The following SAE1 variants were observed in gnomAD, a reference collection of about 807,000 sequenced individuals.
SAE1 encodes the protein SUMO-activating enzyme subunit 1.
In SAE1, 11 loss-of-function variants were observed where a neutral mutation model predicts 40.6. The observed-to-expected ratio is 0.27, with a 90% CI of 0.17 to 0.45. SAE1 has a LOEUF of 0.45. SAE1 is among the 20% of genes least tolerant of loss of function. SAE1 has a pLI of 1.00. For missense variants in SAE1, 373 were observed against 427.3 expected (o/e 0.87, Z 1.12); for synonymous variants, 155 against 154.3 (o/e 1.00, Z -0.03).
At chr19:47,191,596 A>C (rs1027482557) in intron 6 of SAE1, among the ~76,000 whole-genome samples, 2 of 152,156 alleles carry the variant, frequency 1.3e-5, no homozygotes, top group Non-Finnish European at 2.9e-5. Context: ...TCCAGGTGCA[A>C]GGTGATGGAC....
rs540468293 is a variant in SAE1, at chr19:47,172,846, C to T, written c.733+2923C>T. On this transcript the variant is annotated intron_variant, in intron 6 of 8. Coordinates refer to ENST00000270225, the MANE Select transcript of SAE1 (RefSeq NM_005500.3). ...TCTCTAGGACTTGCTCTGTGCCGGG[C>T]GTTTTCCATGTATATCACCTTCATC... Among the ~76,000 whole-genome samples the T allele has an allele frequency of 3.9e-5, 6 of 152,078 alleles. No individual in the cohort carries two copies. The South Asian group carries it at 6.2e-4, about 16-fold the overall frequency.
chr19:47,194,739 T>C (rs2058602068), intron 6 of SAE1, among the ~76,000 whole-genome samples: 3 of 150,506 alleles, frequency 2.0e-5, no homozygotes, highest in African/African-American at 7.4e-5. Context: ...GTTGGTATGT[T>C]AATCAGTCTT....
chr19:47,165,282 G>T (rs1261035589), intron 5 of SAE1, among the ~76,000 whole-genome samples: 1 of 151,366 alleles, frequency 6.6e-6, no homozygotes, highest in Non-Finnish European at 1.5e-5. Context: ...TGGAGACGGG[G>T]TTTCACCATG....
intron 6 of SAE1, among the ~76,000 whole-genome samples, chr19:47,177,560 A>C (rs2123269742): frequency 6.6e-6 from 1 of 152,160 alleles, no homozygotes; most frequent in African/African-American, 2.4e-5. Flanking sequence ...TGGGGCAGGG[A>C]GGTCTTGCTA....
intron 6 of SAE1, among the ~76,000 whole-genome samples, chr19:47,174,377 T>A (rs1443498665): frequency 6.6e-6 from 1 of 150,670 alleles, no homozygotes; most frequent in Non-Finnish European, 1.5e-5. Context: ...AGGTCAGTAA[T>A]AATCATACAA....
At chr19:47,134,063 G>A (rs147049824) in intron 1 of SAE1, among the ~76,000 whole-genome samples, 221 of 151,822 alleles carry the variant, frequency 1.5e-3, no homozygotes, top group African/African-American at 5.1e-3. Flanking sequence ...GAGTTTCACC[G>A]TGTTGGTCAG....
At chr19:47,184,818 G>T in intron 6 of SAE1, among the ~76,000 whole-genome samples, 1 of 150,006 alleles carries the variant, frequency 6.7e-6, no homozygotes, top group East Asian at 2.0e-4. Context: ...GTTTTGTTTT[G>T]TTTTGTTTTG....
intron 7 of SAE1, among the ~76,000 whole-genome samples, chr19:47,202,740 C>T (rs1037293467): frequency 6.6e-6 from 1 of 151,840 alleles, no homozygotes; most frequent in Non-Finnish European, 1.5e-5. Context: ...GGTGAAACCC[C>T]GTCTCTACTA....
intron 2 of SAE1, among the ~76,000 whole-genome samples, chr19:47,145,905 A>G (rs1355079050): frequency 6.6e-6 from 1 of 151,568 alleles, no homozygotes; most frequent in African/African-American, 2.4e-5. Context: ...GGTGATAGAA[A>G]GATGCTCACG....
intron 6 of SAE1, among the ~76,000 whole-genome samples, chr19:47,195,014 ATTACAGACG>A (rs1227141404): frequency 6.8e-6 from 1 of 146,584 alleles, no homozygotes; most frequent in East Asian, 2.0e-4. Flanking sequence ...AAGTGCTGGG[ATTACAGACG>A]TTACAGACGT....
chr19:47,197,141 A>G, intron 6 of SAE1, 92 bp from the exon 7 acceptor site: 1 of 1,328,690 alleles, frequency 7.5e-7, no homozygotes, highest in Non-Finnish European at 1.0e-6. Context: ...AGATTGTGCC[A>G]TTGCACTCCA....
intron 7 of SAE1, among the ~76,000 whole-genome samples, chr19:47,198,273 C>G (rs371815095): frequency 6.6e-6 from 1 of 152,102 alleles, no homozygotes; most frequent in African/African-American, 2.4e-5. Context: ...CCACGCCCAG[C>G]TAATTTTTTT....
At chr19:47,139,137 A>G (rs571025390) in intron 1 of SAE1, among the ~76,000 whole-genome samples, 81 of 151,974 alleles carry the variant, frequency 5.3e-4, no homozygotes, top group African/African-American at 1.8e-3. Context: ...TTTTGAGTAG[A>G]GATGGAGTTT....
At chr19:47,208,173 T>C (rs939979057) in intron 8 of SAE1, among the ~76,000 whole-genome samples, 6 of 152,226 alleles carry the variant, frequency 3.9e-5, no homozygotes, top group Non-Finnish European at 8.8e-5. Context: ...CTCAGTTGAA[T>C]AGTCATGAAT....
At chr19:47,184,279 C>T (rs1336144557) in intron 6 of SAE1, among the ~76,000 whole-genome samples, 2 of 152,164 alleles carry the variant, frequency 1.3e-5, no homozygotes, top group African/African-American at 2.4e-5. Flanking sequence ...GACACTATAA[C>T]GTAGAGGTTA....
chr19:47,143,599 C>A lies in SAE1; in HGVS notation c.204C>A (p.His68Gln), dbSNP rs754278107. ...TGAAAGGACTGACCATGCTGGATCA[C>A]GAACAGGTGCGCTGTTGTGAGCTCA... is the stretch of plus-strand genomic sequence containing the variant. The part of the protein sequence containing the change: ...AGVKGLTMLD[H>Q]EQVTPEDPGA... The change falls in exon 2 of 9, where the codon CAC (histidine) becomes CAA (glutamine). Residue 68 changes from histidine to glutamine, a missense_variant. Physicochemically the swap from His to Gln is conservative, Grantham distance 24. This residue lies in a region of SAE1 where 351 missense variants were observed against 390.6 expected (regional missense o/e 0.90). Transcript: ENST00000270225. 1.2e-6 allele frequency: 2 copies of A among 1,610,484 alleles called. No homozygotes were observed. Among genetic ancestry groups the A allele is most frequent in the East Asian group, 2.2e-5 (1 of 44,876 alleles).
intron 6 of SAE1, among the ~76,000 whole-genome samples, chr19:47,183,630 TCTCCCCCA>T (rs1359489613): frequency 1.3e-5 from 2 of 151,960 alleles, no homozygotes; most frequent in Non-Finnish European, 2.9e-5. Context: ...CAGGCCCACA[TCTCCCCCA>T]CTCCCCCACC....
chr19:47,203,536 AAC>A, intron 7 of SAE1, 133 bp from the exon 8 acceptor site: 1 of 700,696 alleles, frequency 1.4e-6, no homozygotes, highest in Non-Finnish European at 2.5e-6. Context: ...TGCCAGCATT[AAC>A]ACTGCTATCT....
intron 7 of SAE1, 74 bp downstream of exon 7, chr19:47,197,451 A>G: frequency 7.2e-7 from 1 of 1,393,696 alleles, no homozygotes; most frequent in Non-Finnish European, 9.8e-7. Context: ...TAATTTGACA[A>G]GCTCTTTTAT....
Sources: gnomAD v4.1 joint callset for allele counts (sites outside exome capture counted in the v4.1 genomes callset) on GRCh38, gnomAD v4.1.1 for gene constraint, gnomAD v4.1.1 regional missense constraint, MANE v1.5 for transcripts, NCBI Gene and HGNC (gene_info 2026-07-23, HGNC 2026-07-21) for gene names.